The following CPNE8 variants were observed in gnomAD, a reference collection of about 807,000 sequenced individuals.
The protein encoded by CPNE8 is copine 8, also known as copine-8.
CPNE8 carries 45 observed loss-of-function variants against 81.5 expected under a neutral mutation model. The ratio of observed to expected loss-of-function variants is 0.55; its 90% confidence interval spans 0.44 to 0.71. CPNE8 has a LOEUF of 0.71. Ranked by LOEUF, CPNE8 falls within the 30% of genes least tolerant of loss-of-function variation. The pLI, the probability that CPNE8 is intolerant of heterozygous loss-of-function variation, is 0.00. For missense variants in CPNE8, 594 were observed against 672.1 expected, an observed-to-expected ratio of 0.88 and a Z score of 1.28; for synonymous variants, 252 against 226.3, an observed-to-expected ratio of 1.11 and a Z score of -1.02.
intron 3 of CPNE8, among the ~76,000 whole-genome samples, chr12:38,867,326 G>T (rs1451478967): frequency 6.9e-6 from 1 of 144,088 alleles, no homozygotes; most frequent in Non-Finnish European, 1.5e-5. Flanking sequence ...GTGTGTGTGT[G>T]TGTGTGTGTG....
chr12:38,697,881 C>T (rs1208663599), intron 14 of CPNE8, among the ~76,000 whole-genome samples: 1 of 152,128 alleles, frequency 6.6e-6, no homozygotes, highest in Non-Finnish European at 1.5e-5. Context: ...TGAAAGCTTC[C>T]TGGGCCTCAC....
At chr12:38,855,882 A>G (rs1237337639) in intron 3 of CPNE8, among the ~76,000 whole-genome samples, 1 of 152,082 alleles carries the variant, frequency 6.6e-6, no homozygotes, top group African/African-American at 2.4e-5. Context: ...CAAAACCTCT[A>G]AAATTCAATG....
At chr12:38,872,727 G>C (rs1463892337) in intron 3 of CPNE8, among the ~76,000 whole-genome samples, 2 of 152,122 alleles carry the variant, frequency 1.3e-5, no homozygotes, top group African/African-American at 4.8e-5. Flanking sequence ...AATTTTGTAA[G>C]AAATCATGTC....
intron 6 of CPNE8, among the ~76,000 whole-genome samples, chr12:38,782,869 A>G (rs959036708): frequency 6.6e-6 from 1 of 151,892 alleles, no homozygotes; most frequent in African/African-American, 2.4e-5. Flanking sequence ...TTTTTTAGAC[A>G]GGGTCTCACT....
At chr12:38,872,954 T>G (rs1484427070) in intron 3 of CPNE8, 50 bp downstream of exon 3, 3 of 1,014,952 alleles carry the variant, frequency 3.0e-6, no homozygotes. Context: ...AAGTTATAAC[T>G]TACTGTATCT....
At chr12:38,720,756 G>A (rs925863926) in intron 13 of CPNE8, 3 of 152,234 alleles carry the variant, frequency 2.0e-5, no homozygotes, top group Non-Finnish European at 2.9e-5. Flanking sequence ...TGCATGCTCC[G>A]GGGAGCGTGT....
chr12:38,758,816 C>G (rs1364206816), intron 10 of CPNE8, among the ~76,000 whole-genome samples: 1 of 152,166 alleles, frequency 6.6e-6, no homozygotes, highest in Non-Finnish European at 1.5e-5. Context: ...TTCTGATCTT[C>G]AAAGCTATTC....
chr12:38,782,688 G>GT (rs111521870), intron 6 of CPNE8, among the ~76,000 whole-genome samples: 6,710 of 147,440 alleles, frequency 0.046, 341 homozygotes, highest in East Asian at 0.19. Context: ...TTTTTGTTTT[G>GT]TTTTTTTTTT....
At chr12:38,905,603 C>T (rs1108123), upstream of CPNE8, 33,445 of 1,530,248 alleles carry the variant, frequency 0.022, 2,902 homozygotes, top group East Asian at 0.32. Context: ...AGGGCTAGCT[C>T]CCGTCAGGCG....
chr12:38,669,058 A>AT (rs1454921366), intron 19 of CPNE8, among the ~76,000 whole-genome samples: 2 of 152,026 alleles, frequency 1.3e-5, no homozygotes, highest in African/African-American at 4.8e-5. Flanking sequence ...CCTCAAAAAA[A>AT]AAAATAAAAT....
intron 5 of CPNE8, among the ~76,000 whole-genome samples, chr12:38,833,659 T>C (rs1455753119): frequency 6.6e-6 from 1 of 151,832 alleles, no homozygotes; most frequent in Non-Finnish European, 1.5e-5. Flanking sequence ...TTTGTATTTT[T>C]AGTAGAGACG....
intron 14 of CPNE8, among the ~76,000 whole-genome samples, chr12:38,701,031 T>C (rs542660355): frequency 8.5e-5 from 13 of 152,306 alleles, no homozygotes; most frequent in African/African-American, 3.1e-4. Context: ...AGGTAGGTTA[T>C]GTTATTTGAT....
intron 3 of CPNE8, among the ~76,000 whole-genome samples, chr12:38,862,687 G>A (rs905005374): frequency 2.6e-5 from 4 of 152,146 alleles, no homozygotes; most frequent in East Asian, 1.9e-4. Context: ...AATGGCTCAC[G>A]CCTGTAATCC....
chr12:38,707,254 C>T (rs946261473), intron 13 of CPNE8, among the ~76,000 whole-genome samples: 2 of 152,078 alleles, frequency 1.3e-5, no homozygotes, highest in South Asian at 2.1e-4. Flanking sequence ...TTTGAGGCTG[C>T]GGTGAGCTAT....
In CPNE8 at chr12:38,715,218, C is replaced by G. The variant is rs187376960; in HGVS notation, c.914+8554G>C. ...CAGTTGCCTGTTTCACACTCTTTCTCTATCCCTGTGCTCCCTTGCATCTGG... is the reference window on the plus strand; with the variant it reads ...CAGTTGCCTGTTTCACACTCTTTCTGTATCCCTGTGCTCCCTTGCATCTGG... On this transcript the variant is annotated intron_variant, in intron 13 of 19. Coordinates refer to ENST00000331366, the MANE Select transcript of CPNE8 (RefSeq NM_153634.3). 5.3e-5 allele frequency among the ~76,000 whole-genome samples: 8 copies of G among 152,212 alleles called. No homozygotes were observed. In the East Asian group the frequency reaches 1.5e-3, roughly 29 times the overall value.
intron 10 of CPNE8, among the ~76,000 whole-genome samples, chr12:38,755,172 A>G (rs1006034261): frequency 6.6e-6 from 1 of 152,218 alleles, no homozygotes; most frequent in Non-Finnish European, 1.5e-5. Flanking sequence ...TTGCAGACAA[A>G]TGAAGTTTGC....
intron 10 of CPNE8, among the ~76,000 whole-genome samples, chr12:38,753,450 C>G (rs1475330249): frequency 6.6e-6 from 1 of 151,962 alleles, no homozygotes; most frequent in East Asian, 1.9e-4. Context: ...AGTGAGACTC[C>G]AACTCAAATA....
intron 10 of CPNE8, among the ~76,000 whole-genome samples, chr12:38,739,469 T>A (rs905357736): frequency 1.3e-5 from 2 of 152,158 alleles, no homozygotes; most frequent in African/African-American, 2.4e-5. Flanking sequence ...TTCTTTAAAA[T>A]ATGCATAGTA....
intron 15 of CPNE8, among the ~76,000 whole-genome samples, chr12:38,688,925 C>CA (rs1477645348): frequency 1.3e-5 from 2 of 151,926 alleles, no homozygotes; most frequent in East Asian, 1.9e-4. Flanking sequence ...TCCATGTAAT[C>CA]AAAAAACACC....
Sources: allele counts gnomAD v4.1 joint callset (sites outside exome capture counted in the v4.1 genomes callset), GRCh38; gene constraint gnomAD v4.1.1; transcripts MANE v1.5; gene names NCBI Gene and HGNC (gene_info 2026-07-23, HGNC 2026-07-21).